MROH1: variants seen among roughly 807,000 people sequenced by gnomAD.
The protein encoded by MROH1 is maestro heat-like repeat-containing protein family member 1.
MROH1 carries 117 observed loss-of-function variants against 116.5 expected under a neutral mutation model. The ratio of observed to expected loss-of-function variants is 1.00; its 90% CI spans 0.86 to 1.17. MROH1 has a LOEUF of 1.17. MROH1 is among the 50% of genes most tolerant of loss of function. The pLI is 0.00. For synonymous variants in MROH1, 921 were observed against 583.9 expected, an observed-to-expected ratio of 1.58 and a Z score of -8.32; for missense variants, 1,873 against 1,338.5, an observed-to-expected ratio of 1.40 and a Z score of -6.23.
rs941398044 is a variant in MROH1 at position 144,255,987 on chromosome 8, C to T, written c.3791+282C>T. On this transcript the variant is annotated intron_variant, in intron 35 of 43. Coordinates refer to ENST00000326134, the MANE Select transcript of MROH1 (RefSeq NM_032450.3). ...GGCAGCTGGTGGGGGCTTCGTGTGG[C>T]AGCTCAGGCAGGATCCGGGTGGTGC... 2.6e-3 allele frequency among the ~76,000 whole-genome samples: 396 copies of T among 152,360 alleles called. 2 individuals carry two copies. Among genetic ancestry groups the T allele is most frequent in the Non-Finnish European group, 4.2e-3 (286 of 68,034 alleles).
At chr8:144,208,617 G>A (rs1286694346) in intron 12 of MROH1, among the ~76,000 whole-genome samples, 1 of 152,064 alleles carries the variant, frequency 6.6e-6, no homozygotes, top group Admixed American at 6.6e-5. Flanking sequence ...CAGGGGTTGG[G>A]ATTTGCACAT....
chr8:144,248,081 C>T (rs1046688442), intron 31 of MROH1, among the ~76,000 whole-genome samples: 3 of 152,218 alleles, frequency 2.0e-5, no homozygotes, highest in African/African-American at 4.8e-5. Flanking sequence ...CCAAGAGCCA[C>T]GTGGGGGGCT....
At chr8:144,219,013 T>TG (rs1231374228) in intron 12 of MROH1, among the ~76,000 whole-genome samples, 46 of 141,044 alleles carry the variant, frequency 3.3e-4, no homozygotes, top group African/African-American at 1.3e-3. Flanking sequence ...TTTTGTGTTT[T>TG]TTTTTGTTGT....
intron 14 of MROH1, among the ~76,000 whole-genome samples, chr8:144,232,746 G>A (rs1032477102): frequency 6.6e-6 from 1 of 151,868 alleles, no homozygotes; most frequent in Non-Finnish European, 1.5e-5. Flanking sequence ...GCCCACCTCG[G>A]CCTCCCAAAG....
intron 12 of MROH1, among the ~76,000 whole-genome samples, chr8:144,218,947 G>A (rs539260862): frequency 1.5e-5 from 2 of 132,860 alleles, no homozygotes; most frequent in East Asian, 4.6e-4. Context: ...CGATTCTTGT[G>A]CCTCGGCTTC....
At chr8:144,261,388 C>T (rs1845027562) in intron 43 of MROH1, 39 bp downstream of exon 43, 4 of 700,736 alleles carry the variant, frequency 5.7e-6, no homozygotes, top group South Asian at 4.4e-5. Flanking sequence ...CTGGGCCCTG[C>T]TGACCCTGTA....
intron 7 of MROH1, among the ~76,000 whole-genome samples, chr8:144,185,646 A>G (rs1200344971): frequency 9.6e-5 from 3 of 31,232 alleles, no homozygotes; most frequent in Non-Finnish European, 1.5e-4. Context: ...GGGGGGGGGG[A>G]CGGTGAGGGG....
At chr8:144,160,781 A>G (rs1445217346) in intron 1 of MROH1, among the ~76,000 whole-genome samples, 189 bp from the exon 2 acceptor site, 1 of 150,826 alleles carries the variant, frequency 6.6e-6, no homozygotes, top group Non-Finnish European at 1.5e-5. Flanking sequence ...GAAGTCTACA[A>G]GGGTCCCACC....
At chr8:144,252,647 G>C (rs1404841843) in intron 33 of MROH1, 1 of 133,242 alleles carries the variant, frequency 7.5e-6, no homozygotes. Flanking sequence ...CAGCCTGGGC[G>C]ACAGAGCAAG....
intron 12 of MROH1, among the ~76,000 whole-genome samples, chr8:144,203,979 GTGCATT>G (rs1168331908): frequency 6.6e-6 from 1 of 152,070 alleles, no homozygotes; most frequent in Non-Finnish European, 1.5e-5. Context: ...TTCTTTCTCT[GTGCATT>G]TACGTATGTA....
chr8:144,168,297 C>T lies in MROH1; in HGVS notation c.25C>T (p.Leu9=), dbSNP rs1349130846. 6.3e-7 allele frequency: 1 copy of T among 1,599,190 alleles called. No homozygotes were observed. The highest frequency in any genetic ancestry group is 1.7e-5 in the Admixed American group (1 of 58,854). The part of the protein sequence containing the change: MTESSMKK[L]ASTLLDAITD... ...CTAACCAGGCTTTGTCGCTGCAGAG[C>T]TGGCCTCCACCCTGCTGGACGCCAT... Residue 9 remains leucine, a splice_region_variant and synonymous_variant, in exon 4 of 44, where the codon CTG becomes TTG. Coordinates refer to ENST00000326134, the MANE Select transcript of MROH1 (RefSeq NM_032450.3).
chr8:144,252,979 C>CATAT (rs138657169), intron 33 of MROH1, among the ~76,000 whole-genome samples: 1,799 of 142,680 alleles, frequency 0.013, 22 homozygotes, highest in African/African-American at 0.037. Flanking sequence ...AAATTTATTT[C>CATAT]ATATATATAT....
At position 144,260,661 on chromosome 8, in the gene MROH1, T is replaced by C; in HGVS notation, c.4381-16T>C. 1 of 777,990 alleles carries C rather than the reference T, an allele frequency of 1.3e-6. No individual in the cohort carries two copies. Among genetic ancestry groups the C allele is most frequent in the Non-Finnish European group, 2.4e-6 (1 of 417,778 alleles). The allele number at this position is 777,990 out of a possible 1,614,324, so 48.2% of individuals were successfully genotyped here. On this transcript the variant is annotated splice_polypyrimidine_tract_variant and intron_variant, in intron 39 of 43. Transcript: ENST00000326134. The stretch of plus-strand genomic sequence containing the variant: ...GCACAGCCTGTGAGGAGACGTATGC[T>C]GCATGTCCTTCCCAGGAGAAGATGG...
intron 7 of MROH1, among the ~76,000 whole-genome samples, chr8:144,185,536 G>A (rs908729775): frequency 6.9e-6 from 1 of 144,544 alleles, no homozygotes; most frequent in Non-Finnish European, 1.5e-5. Context: ...GGAGATGTGA[G>A]GGGTGGCATG....
chr8:144,167,119 G>A (rs1429571564), intron 3 of MROH1, among the ~76,000 whole-genome samples: 2 of 152,190 alleles, frequency 1.3e-5, no homozygotes, highest in Admixed American at 1.3e-4. Flanking sequence ...GTGTGGTGCT[G>A]CTGGAGCAAA....
At chr8:144,165,908 CTCTG>C (rs1303433660) in intron 3 of MROH1, among the ~76,000 whole-genome samples, 2 of 151,370 alleles carry the variant, frequency 1.3e-5, no homozygotes, top group Non-Finnish European at 2.9e-5. Context: ...GAGATGGAGT[CTCTG>C]TCTGTTACCC....
chr8:144,233,920 C>T (rs1436949208), intron 14 of MROH1, among the ~76,000 whole-genome samples: 3 of 152,162 alleles, frequency 2.0e-5, no homozygotes, highest in Non-Finnish European at 2.9e-5. Context: ...TTTTAGCATC[C>T]GCTTGTCAAT....
Position 144,234,100 on chromosome 8 carries a change from C to T in MROH1, c.1339-4656C>T, listed in dbSNP as rs191175931. Among the ~76,000 whole-genome samples the T allele has an allele frequency of 8.0e-4, 122 of 152,272 alleles. 2 individuals carry two copies. The East Asian group carries it at 0.01, about 13-fold the overall frequency. ...TCTCGGCTCACTGCAAGCTCTGCCT[C>T]CCGGGTTCACGCCATTCTCCTGCCT... On this transcript the variant is annotated intron_variant, in intron 14 of 43. Coordinates refer to ENST00000326134, the MANE Select transcript of MROH1 (RefSeq NM_032450.3).
chr8:144,245,967 C>T (rs931079357), intron 29 of MROH1, among the ~76,000 whole-genome samples: 1 of 152,066 alleles, frequency 6.6e-6, no homozygotes, highest in East Asian at 1.9e-4. Context: ...GGAGCCACTG[C>T]ACCTGGCCTT....
Sources: gnomAD v4.1 joint callset for allele counts (sites outside exome capture counted in the v4.1 genomes callset) on GRCh38, gnomAD v4.1.1 for gene constraint, MANE v1.5 for transcripts, NCBI Gene and HGNC (gene_info 2026-07-23, HGNC 2026-07-21) for gene names.